Variants in LARGE1 observed in about 807,000 individuals in gnomAD.
LARGE1 encodes xylosyl- and glucuronyltransferase LARGE1.
LARGE1 carries 43 observed loss-of-function variants against 87.6 expected under a neutral mutation model. The ratio of observed to expected loss-of-function variants is 0.49; its 90% confidence interval spans 0.38 to 0.63. The LOEUF (loss-of-function observed/expected upper bound fraction) is 0.63, where lower values mean the gene tolerates loss of function less well. Ranked by LOEUF, LARGE1 falls within the 30% of genes least tolerant of loss-of-function variation. The pLI, the probability that LARGE1 is intolerant of heterozygous loss-of-function variation, is 0.00. For missense variants in LARGE1, 802 were observed against 1,000.2 expected (o/e 0.80, Z 2.67); for synonymous variants, 434 against 394.6 (o/e 1.10, Z -1.18).
intron 2 of LARGE1, among the ~76,000 whole-genome samples, chr22:33,741,252 T>C (rs560976705): frequency 2.6e-5 from 4 of 152,208 alleles, no homozygotes; most frequent in Admixed American, 6.5e-5. Flanking sequence ...ATAGCTCACC[T>C]GATACATCAT....
At chr22:33,876,766 T>C (rs5749688) in intron 1 of LARGE1, among the ~76,000 whole-genome samples, 68,954 of 151,616 alleles carry the variant, frequency 0.45, 15,833 homozygotes, top group African/African-American at 0.51. Context: ...CACATGTGTA[T>C]CTATGTAACA....
chr22:33,337,508 G>C, intron 10 of LARGE1, 138 bp downstream of exon 10: 1 of 956,458 alleles, frequency 1.0e-6, no homozygotes, highest in Non-Finnish European at 1.6e-6. Flanking sequence ...CCGACTAGAT[G>C]GTGGACCCTG....
At chr22:33,503,894 A>C in intron 6 of LARGE1, among the ~76,000 whole-genome samples, 1 of 152,234 alleles carries the variant, frequency 6.6e-6, no homozygotes. Flanking sequence ...GAACCGATGA[A>C]TGGATAAACA....
intron 9 of LARGE1, among the ~76,000 whole-genome samples, chr22:33,364,667 T>A (rs2064519375): frequency 6.6e-6 from 1 of 152,212 alleles, no homozygotes; most frequent in African/African-American, 2.4e-5. Flanking sequence ...TGTGTTTGGC[T>A]TAGGTCACTA....
chr22:33,174,945 C>T (rs1173069306), intron 11 of LARGE1, among the ~76,000 whole-genome samples: 1 of 152,048 alleles, frequency 6.6e-6, no homozygotes. Flanking sequence ...CTATTCCAAA[C>T]AATAGAAAAA....
At chr22:33,518,332 T>C (rs7292590) in intron 6 of LARGE1, among the ~76,000 whole-genome samples, 4,125 of 152,310 alleles carry the variant, frequency 0.027, 79 homozygotes, top group African/African-American at 0.047. Flanking sequence ...GGATTTGTTT[T>C]TGTTTTGAGA....
intron 1 of LARGE1, among the ~76,000 whole-genome samples, chr22:33,901,375 TGCAAAGAAAGTAA>T (rs2065278908): frequency 6.6e-6 from 1 of 152,174 alleles, no homozygotes; most frequent in African/African-American, 2.4e-5. Context: ...AGGAAATGAA[TGCAAAGAAAGTAA>T]GCACCTTACC....
intron 6 of LARGE1, among the ~76,000 whole-genome samples, chr22:33,475,237 G>A (rs2069021032): frequency 6.6e-6 from 1 of 152,014 alleles, no homozygotes; most frequent in Non-Finnish European, 1.5e-5. Flanking sequence ...CTTCCTATTT[G>A]CATCACTTTA....
chr22:33,556,867 G>A (rs1487213352), intron 6 of LARGE1, among the ~76,000 whole-genome samples: 3 of 152,088 alleles, frequency 2.0e-5, no homozygotes, highest in Non-Finnish European at 4.4e-5. Context: ...TCAGCCAGGC[G>A]TGGTGGTGCA....
chr22:33,207,507 T>G (rs1924743145), intron 11 of LARGE1, among the ~76,000 whole-genome samples: 1 of 152,108 alleles, frequency 6.6e-6, no homozygotes, highest in African/African-American at 2.4e-5. Flanking sequence ...ATTGCTATGG[T>G]ACTCCTCCCC....
chr22:33,730,053 T>C (rs575753593), intron 2 of LARGE1, among the ~76,000 whole-genome samples: 1 of 152,194 alleles, frequency 6.6e-6, no homozygotes, highest in East Asian at 1.9e-4. Context: ...CAGTTAACCC[T>C]TGAACAACAC....
chr22:33,249,069 T>C (rs954351826), intron 11 of LARGE1, among the ~76,000 whole-genome samples: 7 of 152,202 alleles, frequency 4.6e-5, no homozygotes, highest in Non-Finnish European at 7.3e-5. Context: ...CTTGGGTAAA[T>C]ACCAAGGAGT....
At chr22:33,219,050 C>G (rs913982991) in intron 11 of LARGE1, among the ~76,000 whole-genome samples, 4 of 152,192 alleles carry the variant, frequency 2.6e-5, no homozygotes, top group African/African-American at 9.6e-5. Flanking sequence ...AAGAAAGGCT[C>G]TTGAATCTCT....
chr22:33,649,786 G>A (rs1235420428), intron 3 of LARGE1, among the ~76,000 whole-genome samples: 1 of 152,224 alleles, frequency 6.6e-6, no homozygotes, highest in African/African-American at 2.4e-5. Flanking sequence ...GCAGGTATTT[G>A]AGGAAATAGA....
intron 6 of LARGE1, among the ~76,000 whole-genome samples, chr22:33,453,344 G>C (rs1367818072): frequency 3.9e-5 from 6 of 152,038 alleles, no homozygotes; most frequent in Non-Finnish European, 7.4e-5. Context: ...GAACCTGGGA[G>C]GCACAGGTTG....
At chr22:33,218,624 T>C (rs191719995) in intron 11 of LARGE1, among the ~76,000 whole-genome samples, 9 of 152,270 alleles carry the variant, frequency 5.9e-5, no homozygotes, top group Admixed American at 3.3e-4. Flanking sequence ...CTAAAATGTA[T>C]TGGGTGCCTA....
chr22:33,393,877 A>T lies in LARGE1; in HGVS notation c.893-9573T>A, dbSNP rs576929284. On this transcript the variant is annotated intron_variant, in intron 7 of 14. Transcript: ENST00000397394. ...ACGCTAAATAAATAAATGAATAAAT[A>T]AATTAAAAATCAAAGGATTCTCTCA... 1.7e-4 allele frequency among the ~76,000 whole-genome samples: 26 copies of T among 152,362 alleles called. No individual in the cohort carries two copies. In the East Asian group the frequency reaches 4.1e-3, roughly 24 times the overall value.
rs144197077 is a variant in LARGE1 at position 33,277,135 on chromosome 22, G to A, written c.1998C>T (p.Asp666=). ...CAAACCTCCGGTCGTACTCCGGGCA[G>A]TCACGTCTCACAACAACATACGGCT... is the stretch of plus-strand genomic sequence containing the variant. The part of the protein sequence containing the change: ...DFEPYVVVRR[D]CPEYDRRFVG... The change falls in exon 14 of 15, where the codon GAC becomes GAT. Residue 666 remains aspartate (D), a synonymous_variant. Coordinates refer to ENST00000397394, the MANE Select transcript of LARGE1 (RefSeq NM_133642.5). The A allele has an allele frequency of 1.2e-5, 19 of 1,614,150 alleles. No individual in the cohort carries two copies. Among genetic ancestry groups the A allele is most frequent in the Middle Eastern group, 1.6e-4 (1 of 6,084 alleles).
At chr22:33,135,140 A>T in the LARGE1 span, among the ~76,000 whole-genome samples, 1 of 152,216 alleles carries the variant, frequency 6.6e-6, no homozygotes, top group East Asian at 1.9e-4. Context: ...CATCTTAGAC[A>T]CTACCCACTG....
Sources: allele counts gnomAD v4.1 joint callset (sites outside exome capture counted in the v4.1 genomes callset), GRCh38; gene constraint gnomAD v4.1.1; transcripts MANE v1.5; gene names NCBI Gene and HGNC (gene_info 2026-07-23, HGNC 2026-07-21).